The following CLVS1 variants were observed in gnomAD, a reference collection of about 807,000 sequenced individuals.
The protein encoded by CLVS1 is clavesin-1.
A neutral mutation model predicts 33.1 loss-of-function variants in CLVS1; 10 were observed. The ratio of observed to expected loss-of-function variants is 0.30; its 90% CI spans 0.19 to 0.51. CLVS1 has a LOEUF of 0.51. Ranked by LOEUF, CLVS1 falls within the 20% of genes least tolerant of loss-of-function variation. CLVS1 has a pLI of 0.97. For synonymous variants in CLVS1, 163 were observed against 166.1 expected, an observed-to-expected ratio of 0.98 and a Z score of 0.14; for missense variants, 343 against 433.4, an observed-to-expected ratio of 0.79 and a Z score of 1.85.
At chr8:61,207,858 A>C (rs1195883984) in intron 2 of CLVS1, among the ~76,000 whole-genome samples, 1 of 152,218 alleles carries the variant, frequency 6.6e-6, no homozygotes, top group Non-Finnish European at 1.5e-5. Flanking sequence ...TGAAGATTGA[A>C]AAATCACTCA....
At chr8:61,014,293 G>A in the CLVS1 span, among the ~76,000 whole-genome samples, 2 of 152,114 alleles carry the variant, frequency 1.3e-5, no homozygotes, top group East Asian at 1.9e-4. Flanking sequence ...CATGGGCTAC[G>A]TGGAAACTCC....
At chr8:61,251,630 G>T (rs921075375) in intron 2 of CLVS1, among the ~76,000 whole-genome samples, 1 of 152,072 alleles carries the variant, frequency 6.6e-6, no homozygotes, top group Non-Finnish European at 1.5e-5. Context: ...CTTCTTCCTG[G>T]TTTCAACTTG....
intron 1 of CLVS1, among the ~76,000 whole-genome samples, chr8:61,061,482 C>T (rs1804582826): frequency 6.6e-6 from 1 of 152,162 alleles, no homozygotes; most frequent in African/African-American, 2.4e-5. Context: ...CCCTTCTCCA[C>T]CTCTGTTTCC....
At chr8:61,430,222 A>T (rs776070033) in intron 3 of CLVS1, among the ~76,000 whole-genome samples, 2 of 152,212 alleles carry the variant, frequency 1.3e-5, no homozygotes, top group African/African-American at 4.8e-5. Context: ...TCTTTTGCAG[A>T]CACCTTTATG....
At chr8:61,497,005 G>A (rs920012292) in intron 5 of CLVS1, among the ~76,000 whole-genome samples, 1 of 152,154 alleles carries the variant, frequency 6.6e-6, no homozygotes, top group Admixed American at 6.5e-5. Flanking sequence ...ATATGTCAAT[G>A]TAAATACATG....
the CLVS1 span, among the ~76,000 whole-genome samples, chr8:61,017,871 T>G: frequency 6.6e-6 from 1 of 152,344 alleles, no homozygotes; most frequent in South Asian, 2.1e-4. Flanking sequence ...TTAGGGCTCT[T>G]TCTGGGCCTG....
chr8:61,271,125 C>A (rs1382192786), intron 2 of CLVS1, among the ~76,000 whole-genome samples: 1 of 142,598 alleles, frequency 7.0e-6, no homozygotes, highest in Non-Finnish European at 1.5e-5. Flanking sequence ...AATTTTGGAT[C>A]TTTCCTGCTT....
intron 3 of CLVS1, among the ~76,000 whole-genome samples, chr8:61,403,898 A>C (rs1188475222): frequency 6.6e-6 from 1 of 152,228 alleles, no homozygotes; most frequent in Non-Finnish European, 1.5e-5. Flanking sequence ...AAAGCAGAAG[A>C]GTTGGCTGTG....
chr8:61,475,124 A>G (rs997806648), intron 5 of CLVS1, among the ~76,000 whole-genome samples: 2 of 152,074 alleles, frequency 1.3e-5, no homozygotes, highest in African/African-American at 4.8e-5. Context: ...AAGGACATGA[A>G]CTCATCATTT....
intron 2 of CLVS1, among the ~76,000 whole-genome samples, chr8:61,374,845 C>G (rs1297518660): frequency 6.6e-6 from 1 of 151,966 alleles, no homozygotes; most frequent in African/African-American, 2.4e-5. Flanking sequence ...TTCTATATAG[C>G]AGAACTACCC....
At chr8:61,387,905 T>G (rs1403963646) in intron 3 of CLVS1, among the ~76,000 whole-genome samples, 1 of 152,222 alleles carries the variant, frequency 6.6e-6, no homozygotes, top group African/African-American at 2.4e-5. Context: ...ATTCCATATT[T>G]TTGCAATTGC....
intron 3 of CLVS1, among the ~76,000 whole-genome samples, chr8:61,410,278 C>T (rs766425442): frequency 3.9e-5 from 6 of 152,002 alleles, no homozygotes; most frequent in Non-Finnish European, 8.8e-5. Context: ...ACTGCCTAGT[C>T]GTTCCAACAC....
intron 1 of CLVS1, among the ~76,000 whole-genome samples, chr8:61,112,541 A>G (rs1035673069): frequency 6.6e-6 from 1 of 152,214 alleles, no homozygotes; most frequent in African/African-American, 2.4e-5. Flanking sequence ...TTCCTTAAAG[A>G]TTTGAAATAA....
the CLVS1 span, among the ~76,000 whole-genome samples, chr8:61,023,620 G>A: frequency 2.6e-5 from 4 of 152,200 alleles, no homozygotes; most frequent in Non-Finnish European, 4.4e-5. Context: ...TTATGAATCA[G>A]GATCCTCGCC....
the CLVS1 span, among the ~76,000 whole-genome samples, chr8:60,993,196 G>T: frequency 6.6e-6 from 1 of 152,346 alleles, no homozygotes; most frequent in Admixed American, 6.5e-5. Context: ...GGGAGGGGCT[G>T]CCCCCAGCCC....
At chr8:61,430,854 G>T (rs1442495923) in intron 3 of CLVS1, among the ~76,000 whole-genome samples, 1 of 152,186 alleles carries the variant, frequency 6.6e-6, no homozygotes, top group East Asian at 1.9e-4. Flanking sequence ...AGGAGGTTCA[G>T]TTCTTCTGTT....
the CLVS1 span, among the ~76,000 whole-genome samples, chr8:61,037,627 A>G: frequency 1.3e-5 from 2 of 152,234 alleles, no homozygotes; most frequent in African/African-American, 2.4e-5. Context: ...TTTGATAATG[A>G]CAATCTCTTC....
intron 2 of CLVS1, chr8:61,203,334 C>A: frequency 4.8e-6 from 3 of 622,454 alleles, no homozygotes; most frequent in South Asian, 1.7e-5. Context: ...CTTTCCCTAC[C>A]GTGTTTGATA....
At chr8:61,183,599 A>T (rs549578930) in intron 2 of CLVS1, among the ~76,000 whole-genome samples, 1 of 152,170 alleles carries the variant, frequency 6.6e-6, no homozygotes. Flanking sequence ...CCTACCTGAT[A>T]GAGAAAGGTT....
Sources: allele counts gnomAD v4.1 joint callset (sites outside exome capture counted in the v4.1 genomes callset), GRCh38; gene constraint gnomAD v4.1.1; transcripts MANE v1.5; gene names NCBI Gene and HGNC (gene_info 2026-07-23, HGNC 2026-07-21).